Variants in PON3 observed in about 807,000 individuals in gnomAD.
PON3 encodes paraoxonase 3, also known as serum paraoxonase/lactonase 3.
PON3 carries 37 observed loss-of-function variants against 36.3 expected under a neutral mutation model. The ratio of observed to expected loss-of-function variants is 1.02; its 90% confidence interval spans 0.78 to 1.34. The LOEUF (loss-of-function observed/expected upper bound fraction) is 1.34, where lower values mean the gene tolerates loss of function less well. Ranked by LOEUF, PON3 falls within the 40% of genes most tolerant of loss-of-function variation. The probability of loss-of-function intolerance (pLI) is 0.00; values close to 1 mark genes in which losing one functional copy is unlikely to be tolerated. For synonymous variants in PON3, 155 were observed against 154.8 expected (o/e 1.00, Z -0.01); for missense variants, 415 against 426.5 (o/e 0.97, Z 0.24).
intron 3 of PON3, among the ~76,000 whole-genome samples, chr7:95,380,875 A>T (rs951015737): frequency 2.0e-5 from 3 of 152,210 alleles, no homozygotes; most frequent in Non-Finnish European, 2.9e-5. Flanking sequence ...TTCCTCGAGA[A>T]CAGCAACTCC....
intron 4 of PON3, among the ~76,000 whole-genome samples, chr7:95,367,886 T>A (rs1439260480): frequency 6.6e-6 from 1 of 152,210 alleles, no homozygotes; most frequent in African/African-American, 2.4e-5. Context: ...ATGTTGTGTG[T>A]GTACAATAAT....
chr7:95,359,880 T>G lies in PON3; in HGVS notation c.*93A>C. On this transcript the variant is annotated 3_prime_UTR_variant, in exon 9 of 9. Transcript: ENST00000265627. Reference sequence around the variant, plus strand: ...AAAGCCACACTCACTGGTTGGTGTTTGCTATTTACTTACAGTGCCACTTAT... The same window carrying G: ...AAAGCCACACTCACTGGTTGGTGTTGGCTATTTACTTACAGTGCCACTTAT... The G allele has an allele frequency of 1.5e-6, 2 of 1,320,042 alleles. No homozygotes were observed. Among genetic ancestry groups the G allele is most frequent in the Non-Finnish European group, 2.1e-6 (2 of 950,002 alleles). The allele number at this position is 1,320,042 out of a possible 1,614,324, so 81.8% of individuals were successfully genotyped here.
At chr7:95,362,309 C>A in intron 8 of PON3, 53 bp downstream of exon 8, 2 of 1,608,252 alleles carry the variant, frequency 1.2e-6, no homozygotes, top group Non-Finnish European at 1.7e-6. Context: ...GTCACCCCAA[C>A]AAATTTGTTC....
At chr7:95,377,773 G>A (rs940486326) in intron 3 of PON3, 2 of 155,746 alleles carry the variant, frequency 1.3e-5, no homozygotes, top group African/African-American at 4.9e-5. Flanking sequence ...CCATCTGTAG[G>A]TCACCAAACA....
At chr7:95,365,995 G>A (rs925162843) in intron 5 of PON3, 1 of 151,388 alleles carries the variant, frequency 6.6e-6, no homozygotes, top group African/African-American at 2.4e-5. Context: ...TTCTGAGGAA[G>A]TGGTGGTTGG....
chr7:95,382,132 T>A lies in PON3; in HGVS notation c.201+8022A>T, dbSNP rs563837099. Among the ~76,000 whole-genome samples, 93 of 152,228 alleles carry A rather than the reference T, an allele frequency of 6.1e-4. 1 individual carries two copies. The highest frequency in any genetic ancestry group is 1.0e-3 in the Non-Finnish European group (68 of 68,018). On this transcript the variant is annotated intron_variant, in intron 3 of 8. Transcript: ENST00000265627. Reference sequence around the variant, plus strand: ...GTACATAATGAAATGAAGGCAGAAATAAAGATGTTCTTTGAAACCGACGAG... The same window carrying A: ...GTACATAATGAAATGAAGGCAGAAAAAAAGATGTTCTTTGAAACCGACGAG...
intron 4 of PON3, among the ~76,000 whole-genome samples, chr7:95,368,634 T>A (rs1391531322): frequency 4.6e-5 from 7 of 152,174 alleles, no homozygotes; most frequent in African/African-American, 1.7e-4. Context: ...CTCCATCTCC[T>A]CATTCCATCT....
chr7:95,364,099 A>G, intron 5 of PON3, 36 bp from the exon 6 acceptor site: 1 of 1,514,358 alleles, frequency 6.6e-7, no homozygotes, highest in Non-Finnish European at 9.2e-7. Context: ...GAGACCCATG[A>G]GGTATTTAAA....
intron 4 of PON3, among the ~76,000 whole-genome samples, chr7:95,369,701 G>A (rs938341560): frequency 6.6e-6 from 1 of 152,108 alleles, no homozygotes; most frequent in African/African-American, 2.4e-5. Context: ...GCTTGAACCC[G>A]GGAGGCAGGG....
intron 4 of PON3, among the ~76,000 whole-genome samples, chr7:95,368,054 AAAAC>A (rs1808735768): frequency 6.6e-6 from 1 of 152,212 alleles, no homozygotes; most frequent in Non-Finnish European, 1.5e-5. Context: ...AATGCGAGAT[AAAAC>A]AAACTAACTA....
intron 3 of PON3, among the ~76,000 whole-genome samples, chr7:95,372,880 T>G (rs1808840397): frequency 1.3e-5 from 2 of 152,182 alleles, no homozygotes; most frequent in African/African-American, 4.8e-5. Context: ...AGTTGACTAT[T>G]TTTGACCTAT....
At chr7:95,368,726 A>C (rs1312760015) in intron 4 of PON3, among the ~76,000 whole-genome samples, 1 of 152,018 alleles carries the variant, frequency 6.6e-6, no homozygotes, top group Non-Finnish European at 1.5e-5. Context: ...TAAGCTGTGA[A>C]TCATAATATA....
At position 95,372,306 on chromosome 7, in the gene PON3, C is replaced by T. The variant is rs377390399; in HGVS notation, c.234G>A (p.Ala78=). 2.9e-5 allele frequency: 47 copies of T among 1,613,712 alleles called. No individual in the cohort carries two copies. Among genetic ancestry groups the T allele is most frequent in the Middle Eastern group, 1.6e-4 (1 of 6,082 alleles). ...AGAAGATTTTTCCTGGTTCATCTGG[C>T]GCAAAGTTTGGCATGCCTGGATATT... ...GLKYPGMPNF[A]PDEPGKIFLM... is the part of the protein sequence containing the mutation. The change falls in exon 4 of 9, where the codon GCG becomes GCA. Residue 78 remains alanine (A), a synonymous_variant. Transcript: ENST00000265627.
intron 1 of PON3, 59 bp downstream of exon 1, chr7:95,396,218 A>G (rs1326724592): frequency 2.0e-5 from 31 of 1,576,108 alleles, no homozygotes; most frequent in Non-Finnish European, 2.4e-5. Context: ...GCAGCCCCTG[A>G]CCTCACTTGG....
intron 1 of PON3, among the ~76,000 whole-genome samples, chr7:95,394,995 A>T (rs1001518638): frequency 1.3e-5 from 2 of 152,178 alleles, no homozygotes; most frequent in African/African-American, 2.4e-5. Flanking sequence ...GACACTATTT[A>T]ATAGTATGAG....
Position 95,372,335 on chromosome 7 carries a change from A to G in PON3, c.205T>C (p.Leu69=). The change falls in exon 4 of 9, where the codon TTA becomes CTA. Residue 69 remains leucine, a synonymous_variant. Transcript: ENST00000265627. The part of the protein sequence containing the change: ...PSGLAFISSG[L]KYPGMPNFAP... The stretch of plus-strand genomic sequence containing the variant: ...AAGTTTGGCATGCCTGGATATTTTA[A>G]TCCCTTTTAAAAATAAAGAACAAGT... The G allele has an allele frequency of 6.2e-7, 1 of 1,613,722 alleles. No homozygotes were observed. The highest frequency in any genetic ancestry group is 8.5e-7 in the Non-Finnish European group (1 of 1,179,782).
intron 4 of PON3, among the ~76,000 whole-genome samples, chr7:95,369,685 A>C (rs1041428874): frequency 3.9e-5 from 6 of 152,218 alleles, no homozygotes; most frequent in Non-Finnish European, 8.8e-5. Flanking sequence ...CTGAGGCATG[A>C]GAATTGCTTG....
chr7:95,378,450 T>C (rs907207397), intron 3 of PON3, among the ~76,000 whole-genome samples: 2 of 152,110 alleles, frequency 1.3e-5, no homozygotes, highest in African/African-American at 4.8e-5. Context: ...GACACACAAT[T>C]GTCAGATTTA....
intron 3 of PON3, among the ~76,000 whole-genome samples, chr7:95,374,295 C>A (rs905657736): frequency 6.6e-6 from 1 of 152,050 alleles, no homozygotes; most frequent in Non-Finnish European, 1.5e-5. Context: ...AGTAATTCTT[C>A]TTCAGTTTTA....
Sources: gnomAD v4.1 joint callset for allele counts (sites outside exome capture counted in the v4.1 genomes callset) on GRCh38, gnomAD v4.1.1 for gene constraint, MANE v1.5 for transcripts, NCBI Gene and HGNC (gene_info 2026-07-23, HGNC 2026-07-21) for gene names.